STARD9: variants seen among roughly 807,000 people sequenced by gnomAD.
The protein encoded by STARD9 is StAR related lipid transfer domain containing 9, also known as stAR-related lipid transfer protein 9.
Under a neutral mutation model 399.8 loss-of-function variants are expected in STARD9, and 346 were observed. That is an observed-to-expected ratio of 0.87 (90% confidence interval 0.79 to 0.95). STARD9 has a LOEUF of 0.95. Ranked by LOEUF, STARD9 falls within the 40% of genes least tolerant of loss-of-function variation. The pLI is 0.00. For synonymous variants in STARD9, 2,203 were observed against 2,143.5 expected, an observed-to-expected ratio of 1.03 and a Z score of -0.77; for missense variants, 5,832 against 5,667.5, an observed-to-expected ratio of 1.03 and a Z score of -0.93.
intron 15 of STARD9, among the ~76,000 whole-genome samples, chr15:42,667,808 A>C (rs1197931974): frequency 2.0e-5 from 3 of 152,148 alleles, no homozygotes; most frequent in Non-Finnish European, 2.9e-5. Context: ...CTACAACCAA[A>C]CGTTTCAATT....
At chr15:42,659,546 G>T (rs753961720) in intron 9 of STARD9, among the ~76,000 whole-genome samples, 6 of 152,136 alleles carry the variant, frequency 3.9e-5, no homozygotes, top group African/African-American at 7.2e-5. Flanking sequence ...GTTTGTTTGT[G>T]ATGGAGTCTC....
Position 42,691,135 on chromosome 15 carries a change from G to A in STARD9, c.9557G>A (p.Arg3186His), listed in dbSNP as rs536748130. 16 of 1,537,222 alleles carry A rather than the reference G, an allele frequency of 1.0e-5. No individual in the cohort carries two copies. In the East Asian group the frequency reaches 1.7e-4, roughly 16 times the overall value. ...QFSTELRDHN[R>H]LDSQAKFVAR... ...TCCACTGAGTTGAGGGATCACAATC[G>A]CTTGGATTCCCAAGCCAAGTTTGTA... Residue 3186 changes from arginine to histidine, a missense_variant, in exon 23 of 33, where the codon CGC becomes CAC. This residue lies in a region of STARD9 where 5,828 missense variants were observed against 5,651.1 expected (regional missense o/e 1.03). Coordinates refer to ENST00000290607, the MANE Select transcript of STARD9 (RefSeq NM_020759.3).
intron 3 of STARD9, among the ~76,000 whole-genome samples, chr15:42,601,252 C>T (rs551937058): frequency 2.6e-5 from 4 of 152,254 alleles, no homozygotes; most frequent in Non-Finnish European, 4.4e-5. Flanking sequence ...ATGGAGTCTC[C>T]TATGTCTACT....
chr15:42,691,233 G>C lies in STARD9; in HGVS notation c.9655G>C (p.Ala3219Pro). The change falls in exon 23 of 33, where the codon GCT (alanine) becomes CCT (proline). Residue 3219 changes from alanine (A) to proline (P), a missense_variant. Ala to Pro is a conservative substitution (Grantham distance 27). Around this residue, in one of 2 missense-constraint regions of STARD9, gnomAD observed 5,828 missense variants for 5,651.1 expected, o/e 1.03. Transcript: ENST00000290607. ...WQEEEQHRDQ[A>P]SGGGEGFAQG... ...GGAAGAAGAGCAGCACAGAGACCAG[G>C]CTTCAGGTGGTGGAGAAGGCTTCGC... The C allele has an allele frequency of 6.5e-7, 1 of 1,537,268 alleles. No individual in the cohort carries two copies. Among genetic ancestry groups the C allele is most frequent in the South Asian group, 1.2e-5 (1 of 84,066 alleles).
rs182252200 is a variant in STARD9 at position 42,645,270 on chromosome 15, T to C, written c.560-5746T>C. ...ACTATAGCTTTATGAAATGTATTTC[T>C]TAAATTATCAGACTTCAAAGTTGAA... is the stretch of plus-strand genomic sequence containing the variant. On this transcript the variant is annotated intron_variant, in intron 7 of 32. Transcript: ENST00000290607. Among the ~76,000 whole-genome samples the C allele has an allele frequency of 6.6e-5, 10 of 152,368 alleles. No individual in the cohort carries two copies. The East Asian group carries it at 1.9e-3, about 29-fold the overall frequency.
intron 3 of STARD9, among the ~76,000 whole-genome samples, chr15:42,604,565 T>C (rs1230613728): frequency 6.6e-6 from 1 of 151,904 alleles, no homozygotes; most frequent in Non-Finnish European, 1.5e-5. Context: ...GGAGGAAGAT[T>C]GTTTTTGTCA....
Position 42,688,237 on chromosome 15 carries a change from C to T in STARD9, c.6659C>T (p.Ser2220Phe). The T allele has an allele frequency of 2.0e-6, 3 of 1,537,524 alleles. No individual in the cohort carries two copies. Among genetic ancestry groups the T allele is most frequent in the Non-Finnish European group, 2.6e-6 (3 of 1,147,008 alleles). Residue 2220 changes from serine to phenylalanine, a missense_variant, in exon 23 of 33, where the codon TCT becomes TTT. Transcript: ENST00000290607. ...LPLQPRLERSSKNNGQFVKAS... is the reference protein window; with the variant it reads ...LPLQPRLERSFKNNGQFVKAS... ...TTGCAACCCAGGCTAGAGAGGTCTT[C>T]TAAGAATAATGGCCAGTTTGTAAAA...
chr15:42,679,049 G>A (rs1024239599), intron 20 of STARD9, among the ~76,000 whole-genome samples: 1 of 152,184 alleles, frequency 6.6e-6, no homozygotes, highest in Non-Finnish European at 1.5e-5. Flanking sequence ...CTAGGGAGAA[G>A]CAGATTGTAA....
intron 3 of STARD9, among the ~76,000 whole-genome samples, chr15:42,613,781 A>G (rs2141822985): frequency 6.6e-6 from 1 of 152,046 alleles, no homozygotes; most frequent in Non-Finnish European, 1.5e-5. Flanking sequence ...CCTGGCCAAC[A>G]TGACAAAACC....
chr15:42,617,729 C>T (rs1000955650), intron 3 of STARD9, among the ~76,000 whole-genome samples: 2 of 151,676 alleles, frequency 1.3e-5, no homozygotes, highest in African/African-American at 2.4e-5. Context: ...GTTTTCATTC[C>T]TTCGTTTTTG....
chr15:42,599,378 C>G (rs549374192), intron 3 of STARD9, among the ~76,000 whole-genome samples: 1 of 152,264 alleles, frequency 6.6e-6, no homozygotes, highest in East Asian at 1.9e-4. Context: ...TCAGACTGTC[C>G]TAGTTATTTT....
chr15:42,607,101 C>T (rs1293924368), intron 3 of STARD9, among the ~76,000 whole-genome samples: 1 of 151,034 alleles, frequency 6.6e-6, no homozygotes, highest in Non-Finnish European at 1.5e-5. Flanking sequence ...GCATGTGCCA[C>T]GTCCTCCACA....
chr15:42,598,550 T>C (rs898083738), intron 3 of STARD9, among the ~76,000 whole-genome samples: 4 of 152,142 alleles, frequency 2.6e-5, no homozygotes, highest in Non-Finnish European at 5.9e-5. Flanking sequence ...TTATATTTTT[T>C]CCCCAGATAA....
At position 42,681,450 on chromosome 15, in the gene STARD9, G is replaced by A; in HGVS notation, c.1903G>A (p.Asp635Asn). The change falls in exon 21 of 33, where the codon GAC becomes AAC. Residue 635 changes from aspartate to asparagine, a missense_variant. Asp to Asn is a conservative substitution (Grantham distance 23, BLOSUM62 1). Coordinates refer to ENST00000290607, the MANE Select transcript of STARD9 (RefSeq NM_020759.3). ...RRALEEQCDE[D>N]HQTPRDGETS... ...AGCGCTTGAAGAGCAATGTGACGAG[G>A]ACCATCAGACACCGAGGGATGGAGA... The A allele has an allele frequency of 6.5e-7, 1 of 1,536,960 alleles. No individual in the cohort carries two copies. Among genetic ancestry groups the A allele is most frequent in the East Asian group, 2.4e-5 (1 of 40,918 alleles).
At chr15:42,577,444 C>T (rs1205725636) in intron 1 of STARD9, among the ~76,000 whole-genome samples, 2 of 152,200 alleles carry the variant, frequency 1.3e-5, no homozygotes. Context: ...TGAGCCACTG[C>T]GCCCAGCCGG....
intron 4 of STARD9, among the ~76,000 whole-genome samples, chr15:42,636,999 G>A (rs566366165): frequency 1.0e-3 from 158 of 151,790 alleles, no homozygotes; most frequent in Non-Finnish European, 1.5e-3. Flanking sequence ...GGGAGATGGA[G>A]GTTGCAGTGA....
chr15:42,640,544 G>A (rs937510124), intron 7 of STARD9, among the ~76,000 whole-genome samples: 73 of 151,882 alleles, frequency 4.8e-4, no homozygotes, highest in African/African-American at 1.7e-3. Flanking sequence ...TGTGTGGGCC[G>A]GGTGCAGTGG....
chr15:42,682,178 G>C lies in STARD9; in HGVS notation c.2140G>C (p.Glu714Gln). Reference sequence around the variant, plus strand: ...GCAGCAGCAAGAAGACCAGGTAGCAGAGAAAGAACTTGAGGCATCTGTGGC... The same window carrying C: ...GCAGCAGCAAGAAGACCAGGTAGCACAGAAAGAACTTGAGGCATCTGTGGC... ...QQQQQEDQVA[E>Q]KELEASVALD... Residue 714 changes from glutamate to glutamine, a missense_variant, in exon 22 of 33, where the codon GAG becomes CAG. Physicochemically the swap from Glu to Gln is conservative, Grantham distance 29 (BLOSUM62 2). Transcript: ENST00000290607. The C allele has an allele frequency of 6.5e-7, 1 of 1,537,268 alleles. No homozygotes were observed. Among genetic ancestry groups the C allele is most frequent in the Non-Finnish European group, 8.7e-7 (1 of 1,146,904 alleles).
At chr15:42,623,479 C>T (rs989484298) in intron 3 of STARD9, among the ~76,000 whole-genome samples, 1 of 152,142 alleles carries the variant, frequency 6.6e-6, no homozygotes, top group Non-Finnish European at 1.5e-5. Flanking sequence ...GTTTTTCAAA[C>T]CTCTCTCAGT....
Sources: allele counts gnomAD v4.1 joint callset (sites outside exome capture counted in the v4.1 genomes callset), GRCh38; gene constraint gnomAD v4.1.1; regional missense constraint gnomAD v4.1.1; transcripts MANE v1.5; gene names NCBI Gene and HGNC (gene_info 2026-07-23, HGNC 2026-07-21).